Variants in EFCAB6 observed in about 807,000 individuals in gnomAD.
The protein encoded by EFCAB6 is EF-hand calcium binding domain 6.
Under a neutral mutation model 169.8 loss-of-function variants are expected in EFCAB6, and 156 were observed. That is an observed-to-expected ratio of 0.92 (90% CI 0.81 to 1.05). The LOEUF is 1.05. Ranked by LOEUF, EFCAB6 falls within the 50% of genes least tolerant of loss-of-function variation. EFCAB6 has a pLI of 0.00. For synonymous variants in EFCAB6, 698 were observed against 676.4 expected, an observed-to-expected ratio of 1.03 and a Z score of -0.50; for missense variants, 1,800 against 1,829.1, an observed-to-expected ratio of 0.98 and a Z score of 0.29.
chr22:43,766,326 C>T (rs1034840912), intron 4 of EFCAB6, among the ~76,000 whole-genome samples: 2 of 151,774 alleles, frequency 1.3e-5, no homozygotes, highest in African/African-American at 4.9e-5. Context: ...AGCCACCACA[C>T]CTGGCCCCCC....
intron 26 of EFCAB6, among the ~76,000 whole-genome samples, chr22:43,557,414 T>C (rs1264866667): frequency 6.6e-6 from 1 of 152,222 alleles, no homozygotes; most frequent in African/African-American, 2.4e-5. Flanking sequence ...CAAAATTCAA[T>C]TTAATTGAAT....
At chr22:43,682,522 C>T (rs375853517) in intron 12 of EFCAB6, among the ~76,000 whole-genome samples, 2 of 152,198 alleles carry the variant, frequency 1.3e-5, no homozygotes, top group African/African-American at 4.8e-5. Context: ...GTGGGTAACA[C>T]ACAAAGGCCT....
Position 43,580,532 on chromosome 22 carries a change from G to A in EFCAB6, c.3160C>T (p.Leu1054=). Residue 1054 remains leucine (L), a synonymous_variant, in exon 25 of 32, where the codon CTG becomes TTG. Coordinates refer to ENST00000262726, the MANE Select transcript of EFCAB6 (RefSeq NM_022785.4). ...TTCCTCACAGCCTCCTGTGGATTCA[G>A]CGTTGCAAAATTGATTGGCATGCTC... ...EESMPINFAT[L]NPQEAVRKIQ... 2 of 1,614,136 alleles carry A rather than the reference G, an allele frequency of 1.2e-6. No homozygotes were observed. The highest frequency in any genetic ancestry group is 1.7e-6 in the Non-Finnish European group (2 of 1,179,998).
rs765460467 is a variant in EFCAB6, at chr22:43,626,567, A to G, written c.2345T>C (p.Phe782Ser). 7 of 1,614,204 alleles carry G rather than the reference A, an allele frequency of 4.3e-6. No individual in the cohort carries two copies. In the South Asian group the frequency reaches 6.6e-5, roughly 15 times the overall value. The change falls in exon 20 of 32, where the codon TTT becomes TCT. Residue 782 changes from phenylalanine (F) to serine (S), a missense_variant. By Grantham distance (155) the Phe-to-Ser change is radical. Coordinates refer to ENST00000262726, the MANE Select transcript of EFCAB6 (RefSeq NM_022785.4). ...HLLLNLKDDE[F>S]ERFLGLLGLR... ...GCCAAGAAGGCCAAGGAAGCGCTCA[A>G]ACTCGTCGTCTTTGAGATTAAGCAG...
At chr22:43,673,793 A>G (rs1436084346) in intron 13 of EFCAB6, among the ~76,000 whole-genome samples, 6 of 152,084 alleles carry the variant, frequency 3.9e-5, no homozygotes, top group Non-Finnish European at 5.9e-5. Flanking sequence ...AATAAATAAA[A>G]TAAAATTAGA....
intron 18 of EFCAB6, among the ~76,000 whole-genome samples, chr22:43,633,356 T>C (rs1170796758): frequency 6.6e-6 from 1 of 152,234 alleles, no homozygotes; most frequent in Non-Finnish European, 1.5e-5. Context: ...GAGACCATCC[T>C]GGCCAACATG....
intron 22 of EFCAB6, among the ~76,000 whole-genome samples, chr22:43,603,301 C>T (rs1043232936): frequency 6.6e-6 from 1 of 152,250 alleles, no homozygotes; most frequent in Admixed American, 6.5e-5. Flanking sequence ...GCTAATTCAG[C>T]TTACATAACC....
chr22:43,632,790 T>C (rs2055079130), intron 18 of EFCAB6, among the ~76,000 whole-genome samples: 1 of 152,194 alleles, frequency 6.6e-6, no homozygotes, highest in Non-Finnish European at 1.5e-5. Flanking sequence ...GGGCCTCCTT[T>C]CACCCTCACA....
At chr22:43,724,660 G>A (rs560569933) in intron 8 of EFCAB6, among the ~76,000 whole-genome samples, 1 of 152,016 alleles carries the variant, frequency 6.6e-6, no homozygotes, top group Non-Finnish European at 1.5e-5. Flanking sequence ...ATGAGCCACC[G>A]TGCCCTGCCT....
intron 6 of EFCAB6, 77 bp from the exon 7 acceptor site, chr22:43,736,070 T>C (rs963050967): frequency 1.5e-6 from 2 of 1,362,752 alleles, no homozygotes; most frequent in African/African-American, 3.0e-5. Flanking sequence ...ATGTGAAAGT[T>C]TTTTTTAATA....
intron 6 of EFCAB6, among the ~76,000 whole-genome samples, chr22:43,739,761 A>G (rs2060298032): frequency 6.6e-6 from 1 of 151,612 alleles, no homozygotes; most frequent in Admixed American, 6.6e-5. Context: ...CATTTCCACA[A>G]TGCAATCATG....
At chr22:43,631,191 T>C (rs1448632115) in intron 19 of EFCAB6, among the ~76,000 whole-genome samples, 1 of 150,190 alleles carries the variant, frequency 6.7e-6, no homozygotes, top group Non-Finnish European at 1.5e-5. Context: ...CTGGATGTGT[T>C]CCCTCCACCC....
chr22:43,736,235 A>T (rs2060133492), intron 6 of EFCAB6, among the ~76,000 whole-genome samples: 1 of 152,208 alleles, frequency 6.6e-6, no homozygotes, highest in South Asian at 2.1e-4. Context: ...TCTCTTTCTC[A>T]TGTAAAGCAG....
chr22:43,534,149 G>A (rs999193276), intron 30 of EFCAB6, among the ~76,000 whole-genome samples: 1 of 152,214 alleles, frequency 6.6e-6, no homozygotes, highest in East Asian at 1.9e-4. Flanking sequence ...GTTGTCAAGG[G>A]AGGGACCTGG....
chr22:43,688,833 T>C (rs1016804493), intron 10 of EFCAB6, among the ~76,000 whole-genome samples: 4 of 152,218 alleles, frequency 2.6e-5, no homozygotes, highest in African/African-American at 9.6e-5. Flanking sequence ...GCTGAGTTCC[T>C]TAGATAATTG....
intron 2 of EFCAB6, among the ~76,000 whole-genome samples, chr22:43,788,662 G>C (rs1051729387): frequency 3.3e-5 from 5 of 152,198 alleles, no homozygotes; most frequent in Non-Finnish European, 7.4e-5. Flanking sequence ...CTTTGGAATA[G>C]AATTTGAGAA....
At chr22:43,708,042 T>C (rs2059017402) in intron 10 of EFCAB6, among the ~76,000 whole-genome samples, 1 of 142,320 alleles carries the variant, frequency 7.0e-6, no homozygotes, top group African/African-American at 2.6e-5. Context: ...ATAAGATATT[T>C]AAGTCTTAAA....
chr22:43,730,696 ATTG>A (rs1044465481), intron 8 of EFCAB6, among the ~76,000 whole-genome samples: 2 of 152,056 alleles, frequency 1.3e-5, no homozygotes, highest in African/African-American at 4.8e-5. Flanking sequence ...GCTTGGTTCG[ATTG>A]TTTACTTCCA....
chr22:43,680,473 C>CA (rs539992582), intron 12 of EFCAB6, among the ~76,000 whole-genome samples: 46 of 127,654 alleles, frequency 3.6e-4, no homozygotes, highest in Admixed American at 5.5e-4. Flanking sequence ...TTTTCAAAAG[C>CA]AAAAAAAAAG....
Sources: gnomAD v4.1 joint callset for allele counts (sites outside exome capture counted in the v4.1 genomes callset) on GRCh38, gnomAD v4.1.1 for gene constraint, MANE v1.5 for transcripts, NCBI Gene and HGNC (gene_info 2026-07-23, HGNC 2026-07-21) for gene names.